SHOC2: variants seen among roughly 807,000 people sequenced by gnomAD.
SHOC2 encodes leucine-rich repeat protein SHOC-2.
In SHOC2, 4 loss-of-function variants were observed where a neutral mutation model predicts 50.2. The observed-to-expected ratio is 0.08, with a 90% CI of 0.04 to 0.18. The LOEUF (loss-of-function observed/expected upper bound fraction) is 0.18. SHOC2 is among the 10% of genes least tolerant of loss of function. The probability of loss-of-function intolerance (pLI) is 1.00; values close to 1 mark genes in which losing one functional copy is unlikely to be tolerated. For synonymous variants in SHOC2, 218 were observed against 244.5 expected, an observed-to-expected ratio of 0.89 and a Z score of 1.01; for missense variants, 388 against 669.6, an observed-to-expected ratio of 0.58 and a Z score of 4.64.
intron 2 of SHOC2, among the ~76,000 whole-genome samples, chr10:110,978,630 T>A (rs1847918386): frequency 6.6e-6 from 1 of 152,248 alleles, no homozygotes; most frequent in Admixed American, 6.5e-5. Flanking sequence ...TCAGCTCCTT[T>A]AGCCTTCTAG....
chr10:110,967,069 A>G (rs1847689477), intron 2 of SHOC2, among the ~76,000 whole-genome samples: 1 of 152,174 alleles, frequency 6.6e-6, no homozygotes, highest in Non-Finnish European at 1.5e-5. Flanking sequence ...CATCATAATA[A>G]TAAGGATGGC....
At chr10:110,975,712 T>C (rs535272288) in intron 2 of SHOC2, among the ~76,000 whole-genome samples, 1 of 152,358 alleles carries the variant, frequency 6.6e-6, no homozygotes, top group South Asian at 2.1e-4. Context: ...TAAGTCTCAT[T>C]ACTGGTGATT....
chr10:111,001,616 T>C (rs1019722995), intron 4 of SHOC2, among the ~76,000 whole-genome samples: 7 of 152,366 alleles, frequency 4.6e-5, no homozygotes, highest in East Asian at 1.9e-4. Context: ...TGGGGACTTA[T>C]GGATTGATTG....
intron 3 of SHOC2, among the ~76,000 whole-genome samples, chr10:110,992,356 AT>A (rs1211693003): frequency 2.0e-5 from 3 of 152,190 alleles, no homozygotes; most frequent in Admixed American, 2.0e-4. Flanking sequence ...GTATTATTTT[AT>A]ATGAATATTT....
chr10:110,951,555 A>G (rs1847352382), intron 1 of SHOC2: 1 of 152,238 alleles, frequency 6.6e-6, no homozygotes. Context: ...ACGTATCTAG[A>G]GGAAATGAAA....
At chr10:111,010,207 A>G (rs1216037311) in intron 8 of SHOC2, among the ~76,000 whole-genome samples, 3 of 152,200 alleles carry the variant, frequency 2.0e-5, no homozygotes, top group Non-Finnish European at 1.5e-5. Flanking sequence ...ATTAATATTA[A>G]TATTTAACCA....
chr10:110,941,608 C>T (rs34260734), intron 1 of SHOC2, among the ~76,000 whole-genome samples: 4,029 of 152,208 alleles, frequency 0.026, 77 homozygotes, highest in Non-Finnish European at 0.043. Context: ...AGGCATGAGC[C>T]ACTGTGCCTG....
At chr10:111,000,274 A>T in intron 3 of SHOC2, 141 bp from the exon 4 acceptor site, 1 of 719,906 alleles carries the variant, frequency 1.4e-6, no homozygotes, top group Non-Finnish European at 2.4e-6. Context: ...GTGTAGTGTG[A>T]GTTCCTTGTG....
chr10:110,939,877 C>T (rs940777362), intron 1 of SHOC2, among the ~76,000 whole-genome samples: 4 of 152,054 alleles, frequency 2.6e-5, no homozygotes, highest in African/African-American at 7.2e-5. Context: ...TCCTAATGGT[C>T]AATTATGGAA....
At chr10:110,925,665 C>T (rs1022337274) in intron 1 of SHOC2, among the ~76,000 whole-genome samples, 9 of 152,160 alleles carry the variant, frequency 5.9e-5, no homozygotes, top group Non-Finnish European at 7.3e-5. Flanking sequence ...CCGTGTTGCC[C>T]AGGCTGGTCT....
At chr10:110,937,526 A>T (rs1039500585) in intron 1 of SHOC2, among the ~76,000 whole-genome samples, 2 of 152,146 alleles carry the variant, frequency 1.3e-5, no homozygotes, top group Admixed American at 6.5e-5. Context: ...TTTGTTGAAG[A>T]AGTAGTTTGT....
chr10:110,977,925 G>A (rs1367883759), intron 2 of SHOC2, among the ~76,000 whole-genome samples: 1 of 152,170 alleles, frequency 6.6e-6, no homozygotes, highest in African/African-American at 2.4e-5. Context: ...TGTACCTAAT[G>A]CAGATAAGAA....
chr10:110,958,220 C>CTT (rs34136641), intron 1 of SHOC2, among the ~76,000 whole-genome samples: 122 of 145,490 alleles, frequency 8.4e-4, no homozygotes, highest in East Asian at 1.8e-3. Flanking sequence ...TTCTTTCTTT[C>CTT]TTTTTTTTTT....
chr10:110,926,701 G>A (rs1846782549), intron 1 of SHOC2, among the ~76,000 whole-genome samples: 1 of 152,168 alleles, frequency 6.6e-6, no homozygotes, highest in Non-Finnish European at 1.5e-5. Context: ...CTAGGATCAT[G>A]AAGAAGAGGT....
intron 1 of SHOC2, among the ~76,000 whole-genome samples, chr10:110,959,553 T>C (rs1847533309): frequency 1.3e-5 from 2 of 152,216 alleles, no homozygotes; most frequent in African/African-American, 4.8e-5. Flanking sequence ...TTATCATGTT[T>C]AGCATGGACT....
intron 3 of SHOC2, among the ~76,000 whole-genome samples, chr10:110,994,959 G>T (rs1848244889): frequency 6.6e-6 from 1 of 152,168 alleles, no homozygotes; most frequent in Admixed American, 6.5e-5. Context: ...TTTGTATTCA[G>T]ATAGACCAGA....
intron 1 of SHOC2, among the ~76,000 whole-genome samples, chr10:110,961,279 G>A (rs1005088976): frequency 1.3e-5 from 2 of 152,138 alleles, no homozygotes; most frequent in Non-Finnish European, 2.9e-5. Context: ...TAGTGGAGTT[G>A]AAGTGATTAA....
At chr10:110,951,986 T>G (rs1847362385) in intron 1 of SHOC2, among the ~76,000 whole-genome samples, 1 of 152,132 alleles carries the variant, frequency 6.6e-6, no homozygotes, top group African/African-American at 2.4e-5. Context: ...TGATTAAAAC[T>G]TACAGGCACA....
intron 1 of SHOC2, among the ~76,000 whole-genome samples, chr10:110,947,766 C>CAAAA (rs35892835): frequency 4.8e-5 from 5 of 104,808 alleles, no homozygotes; most frequent in Admixed American, 2.0e-4. Flanking sequence ...AAATAAGTAC[C>CAAAA]AAAAAAAAAA....
Sources: gnomAD v4.1 joint callset for allele counts (sites outside exome capture counted in the v4.1 genomes callset) on GRCh38, gnomAD v4.1.1 for gene constraint, MANE v1.5 for transcripts, NCBI Gene and HGNC (gene_info 2026-07-23, HGNC 2026-07-21) for gene names.